EYA3: variants seen among roughly 807,000 people sequenced by gnomAD.
EYA3 encodes the protein protein phosphatase EYA3.
EYA3 carries 39 observed loss-of-function variants against 80.0 expected under a neutral mutation model. That is an observed-to-expected ratio of 0.49 (90% CI 0.38 to 0.64). The LOEUF (loss-of-function observed/expected upper bound fraction) is 0.64. Ranked by LOEUF, EYA3 falls within the 30% of genes least tolerant of loss-of-function variation. EYA3 has a pLI of 0.00. For missense variants in EYA3, 523 were observed against 676.1 expected, an observed-to-expected ratio of 0.77 and a Z score of 2.51; for synonymous variants, 206 against 232.8, an observed-to-expected ratio of 0.88 and a Z score of 1.05.
chr1:28,018,496 G>A (rs1229219577), intron 7 of EYA3, among the ~76,000 whole-genome samples: 1 of 152,164 alleles, frequency 6.6e-6, no homozygotes, highest in East Asian at 1.9e-4. Context: ...TCACCATCAG[G>A]TAGACCTGAC....
At chr1:28,079,678 A>T (rs1645351508) in intron 1 of EYA3, among the ~76,000 whole-genome samples, 1 of 152,342 alleles carries the variant, frequency 6.6e-6, no homozygotes, top group African/African-American at 2.4e-5. Context: ...CAGTAATGGT[A>T]ATCAGGGCAA....
chr1:28,082,414 T>C (rs1645461870), intron 1 of EYA3, among the ~76,000 whole-genome samples: 1 of 152,148 alleles, frequency 6.6e-6, no homozygotes, highest in Non-Finnish European at 1.5e-5. Context: ...CTTAATATGA[T>C]CAATAATATT....
At chr1:27,982,250 G>A (rs755150678) in intron 16 of EYA3, among the ~76,000 whole-genome samples, 10 of 151,648 alleles carry the variant, frequency 6.6e-5, no homozygotes, top group East Asian at 1.9e-4. Flanking sequence ...CACCTGCCTC[G>A]GCCTCCCAAA....
intron 1 of EYA3, among the ~76,000 whole-genome samples, chr1:28,076,851 CTG>C (rs1324200312): frequency 5.3e-5 from 8 of 149,906 alleles, no homozygotes; most frequent in African/African-American, 1.7e-4. Flanking sequence ...AGTGATTATC[CTG>C]CCTCAGCCTC....
In EYA3 at chr1:27,993,380, T is replaced by G; in HGVS notation, c.1303+20A>C. On this transcript the variant is annotated intron_variant, in intron 14 of 17. Coordinates refer to ENST00000373871, the MANE Select transcript of EYA3 (RefSeq NM_001990.4). ...ACCAGGAAGAAACAGAGAATCAGAC[T>G]GGTTATATGCCACACTTACCACCCA... is the stretch of plus-strand genomic sequence containing the variant. 6.2e-7 allele frequency: 1 copy of G among 1,604,450 alleles called. No homozygotes were observed.
At chr1:27,993,369 G>C (rs753270422) in intron 14 of EYA3, 31 bp downstream of exon 14, 178 of 1,591,696 alleles carry the variant, frequency 1.1e-4, no homozygotes, top group Non-Finnish European at 1.5e-4. Context: ...GGAAGAAACA[G>C]AGAATCAGAC....
intron 2 of EYA3, among the ~76,000 whole-genome samples, chr1:28,055,995 CT>C (rs34697907): frequency 0.06 from 8,749 of 144,912 alleles, 733 homozygotes; most frequent in African/African-American, 0.2. Context: ...CTGTGAAAAG[CT>C]TTTTTTTTTT....
chr1:28,017,142 G>A lies in EYA3; in HGVS notation c.585+12C>T. On this transcript the variant is annotated intron_variant, in intron 8 of 17. Transcript: ENST00000373871. ...ACTCTATCAAACAGGATGAACAAAG[G>A]TAGCATCATACCTGGTTTGAGATGC... is the stretch of plus-strand genomic sequence containing the variant. 2 of 1,601,108 alleles carry A rather than the reference G, an allele frequency of 1.2e-6. No homozygotes were observed. The highest frequency in any genetic ancestry group is 1.7e-6 in the Non-Finnish European group (2 of 1,168,424).
At chr1:28,057,764 TA>T (rs970305234) in intron 2 of EYA3, among the ~76,000 whole-genome samples, 3 of 152,180 alleles carry the variant, frequency 2.0e-5, no homozygotes, top group African/African-American at 7.2e-5. Context: ...ACTAGCCACT[TA>T]TTTTTTTAAA....
intron 2 of EYA3, among the ~76,000 whole-genome samples, chr1:28,052,077 C>T (rs1436283778): frequency 2.0e-5 from 3 of 151,972 alleles, no homozygotes; most frequent in South Asian, 2.1e-4. Flanking sequence ...GGTGCGATCT[C>T]GGCTCACTGC....
intron 1 of EYA3, among the ~76,000 whole-genome samples, chr1:28,059,849 T>C (rs1207463519): frequency 6.6e-6 from 1 of 151,434 alleles, no homozygotes; most frequent in Non-Finnish European, 1.5e-5. Flanking sequence ...GGCTCCCAAG[T>C]AGCTGGGACT....
chr1:28,074,487 T>C (rs573379527), intron 1 of EYA3, among the ~76,000 whole-genome samples: 6 of 151,594 alleles, frequency 4.0e-5, no homozygotes, highest in Non-Finnish European at 5.9e-5. Context: ...TATTTAGACA[T>C]GGTTTTCTTT....
At chr1:28,042,493 C>A in intron 4 of EYA3, 78 bp downstream of exon 4, 1 of 1,342,368 alleles carries the variant, frequency 7.4e-7, no homozygotes, top group Non-Finnish European at 1.1e-6. Flanking sequence ...AAGGCAATTA[C>A]GAAAAACCAA....
intron 10 of EYA3, among the ~76,000 whole-genome samples, chr1:28,006,971 C>T (rs1195228653): frequency 2.3e-4 from 27 of 118,786 alleles, no homozygotes; most frequent in African/African-American, 7.6e-4. Flanking sequence ...GAAAGAGTGT[C>T]GCTCTGTCAC....
intron 1 of EYA3, among the ~76,000 whole-genome samples, chr1:28,063,417 C>T (rs1262276499): frequency 1.5e-5 from 2 of 132,162 alleles, no homozygotes; most frequent in South Asian, 2.4e-4. Flanking sequence ...AGCACAGCGG[C>T]GTAATCTCGG....
chr1:28,051,625 C>T (rs764543876), intron 2 of EYA3, among the ~76,000 whole-genome samples: 8 of 151,836 alleles, frequency 5.3e-5, no homozygotes, highest in Non-Finnish European at 8.8e-5. Context: ...AGGTGGAGGT[C>T]GCAGTAAGCT....
chr1:28,000,470 G>A (rs1455223972), intron 11 of EYA3, among the ~76,000 whole-genome samples: 2 of 151,928 alleles, frequency 1.3e-5, no homozygotes, highest in South Asian at 2.1e-4. Flanking sequence ...CCGCCACCAC[G>A]CCTGGCTAAT....
chr1:27,994,081 G>T (rs1347842554), intron 13 of EYA3, among the ~76,000 whole-genome samples: 1 of 152,096 alleles, frequency 6.6e-6, no homozygotes, highest in Non-Finnish European at 1.5e-5. Flanking sequence ...CAAATTCTTT[G>T]ATATTCCTCT....
chr1:28,003,404 G>C (rs2148766109), intron 11 of EYA3, among the ~76,000 whole-genome samples: 1 of 152,268 alleles, frequency 6.6e-6, no homozygotes, highest in African/African-American at 2.4e-5. Flanking sequence ...GAGAGGCAGA[G>C]GTTGCAGTGA....
Sources: gnomAD v4.1 joint callset for allele counts (sites outside exome capture counted in the v4.1 genomes callset) on GRCh38, gnomAD v4.1.1 for gene constraint, MANE v1.5 for transcripts, NCBI Gene and HGNC (gene_info 2026-07-23, HGNC 2026-07-21) for gene names.